The following ABTB2 variants were observed in gnomAD, a reference collection of about 807,000 sequenced individuals.
ABTB2 encodes the protein ankyrin repeat and BTB domain containing 2.
A neutral mutation model predicts 104.1 loss-of-function variants in ABTB2; 56 were observed. That is an observed-to-expected ratio of 0.54 (90% CI 0.43 to 0.67). ABTB2 has a LOEUF of 0.67. Among genes scored for constraint, ABTB2 ranks in the 30% least tolerant of loss-of-function variants. The pLI, the probability that ABTB2 is intolerant of heterozygous loss-of-function variation, is 0.00. For synonymous variants in ABTB2, 606 were observed against 608.2 expected, an observed-to-expected ratio of 1.00 and a Z score of 0.05; for missense variants, 1,279 against 1,407.7, an observed-to-expected ratio of 0.91 and a Z score of 1.46.
chr11:34,171,046 G>A lies in ABTB2; in HGVS notation c.1423C>T (p.Arg475Trp), dbSNP rs768924667. 9 of 1,614,042 alleles carry A rather than the reference G, an allele frequency of 5.6e-6. No homozygotes were observed. The East Asian group carries it at 8.9e-5, about 16-fold the overall frequency. ...LKPEHCFSSF[R>W]RLDARAATEK... is the part of the protein sequence containing the mutation. Reference sequence around the variant, plus strand: ...GTAGCTGCTCGGGCATCCAGCCTCCGGAAGGAACTGAAACAGTGTTCGGGT... The same window carrying A: ...GTAGCTGCTCGGGCATCCAGCCTCCAGAAGGAACTGAAACAGTGTTCGGGT... Residue 475 changes from arginine to tryptophan, a missense_variant, in exon 5 of 17, where the codon CGG (arginine) becomes TGG (tryptophan). Arg to Trp is a moderately radical substitution (Grantham distance 101). Transcript: ENST00000435224.
At chr11:34,283,586 A>G (rs1262286063) in intron 1 of ABTB2, among the ~76,000 whole-genome samples, 1 of 152,230 alleles carries the variant, frequency 6.6e-6, no homozygotes, top group Non-Finnish European at 1.5e-5. Context: ...ATTGAGAAAA[A>G]ATACCATCTC....
chr11:34,345,407 T>G (rs750469339), intron 1 of ABTB2, among the ~76,000 whole-genome samples: 21 of 152,182 alleles, frequency 1.4e-4, no homozygotes, highest in African/African-American at 2.9e-4. Flanking sequence ...TTTTATTCAT[T>G]TGTTGCATCA....
chr11:34,287,442 A>G (rs560510162), intron 1 of ABTB2, among the ~76,000 whole-genome samples: 2 of 152,258 alleles, frequency 1.3e-5, no homozygotes, highest in East Asian at 1.9e-4. Flanking sequence ...CCAGCTACTC[A>G]GGACTCTGAG....
At chr11:34,278,916 A>T (rs1590239394) in intron 1 of ABTB2, among the ~76,000 whole-genome samples, 1 of 152,310 alleles carries the variant, frequency 6.6e-6, no homozygotes, top group South Asian at 2.1e-4. Context: ...GTGGCCAAAG[A>T]TCCCAGCCAC....
At chr11:34,233,041 G>T (rs1853792935) in intron 1 of ABTB2, among the ~76,000 whole-genome samples, 1 of 149,758 alleles carries the variant, frequency 6.7e-6, no homozygotes, top group South Asian at 2.1e-4. Context: ...GGGAGCCACT[G>T]AAGGGAGACA....
intron 3 of ABTB2, among the ~76,000 whole-genome samples, chr11:34,186,424 T>C (rs1328851062): frequency 6.6e-6 from 1 of 152,228 alleles, no homozygotes; most frequent in Non-Finnish European, 1.5e-5. Context: ...CCTGAGGGTC[T>C]GAATGCTCTC....
chr11:34,206,532 A>G (rs570859058), intron 1 of ABTB2, among the ~76,000 whole-genome samples: 1 of 152,302 alleles, frequency 6.6e-6, no homozygotes, highest in African/African-American at 2.4e-5. Flanking sequence ...CTGGTTCCAC[A>G]ATGCATATAC....
chr11:34,197,244 CGTCA>C (rs1853269537), intron 3 of ABTB2, 77 bp downstream of exon 3: 3 of 1,478,422 alleles, frequency 2.0e-6, no homozygotes, highest in Non-Finnish European at 2.8e-6. Flanking sequence ...GTTGGTCAGT[CGTCA>C]GTCAGTGTCA....
chr11:34,318,541 C>G (rs1854967125), intron 1 of ABTB2, among the ~76,000 whole-genome samples: 1 of 152,186 alleles, frequency 6.6e-6, no homozygotes, highest in Admixed American at 6.5e-5. Context: ...AGGGACTGGT[C>G]TAAGGACACT....
intron 5 of ABTB2, among the ~76,000 whole-genome samples, chr11:34,169,888 C>T (rs1327677818): frequency 1.3e-5 from 2 of 152,216 alleles, no homozygotes; most frequent in African/African-American, 4.8e-5. Context: ...CTTCCCCTTG[C>T]AGCCCATCCC....
chr11:34,320,040 T>C (rs772443640), intron 1 of ABTB2, among the ~76,000 whole-genome samples: 11 of 152,176 alleles, frequency 7.2e-5, no homozygotes, highest in Non-Finnish European at 1.3e-4. Context: ...GTGACCACCG[T>C]GCCTGGCCAC....
chr11:34,223,695 C>T (rs1853654090), intron 1 of ABTB2, among the ~76,000 whole-genome samples: 1 of 152,168 alleles, frequency 6.6e-6, no homozygotes, highest in Admixed American at 6.5e-5. Context: ...CCGGCATCAG[C>T]CTCAGCCTCA....
At chr11:34,326,831 A>G (rs1245528385) in intron 1 of ABTB2, among the ~76,000 whole-genome samples, 1 of 152,188 alleles carries the variant, frequency 6.6e-6, no homozygotes, top group Non-Finnish European at 1.5e-5. Flanking sequence ...GCACTTTGGG[A>G]GGCTGAGGCA....
At chr11:34,192,399 A>C (rs987381767) in intron 3 of ABTB2, among the ~76,000 whole-genome samples, 3 of 152,222 alleles carry the variant, frequency 2.0e-5, no homozygotes, top group Non-Finnish European at 4.4e-5. Flanking sequence ...AAAAGTGGCA[A>C]GGTAGATCTC....
intron 1 of ABTB2, among the ~76,000 whole-genome samples, chr11:34,232,463 A>AAAAAAAAAC (rs1853783389): frequency 2.6e-5 from 4 of 151,678 alleles, no homozygotes; most frequent in Non-Finnish European, 4.4e-5. Flanking sequence ...AAAAAAAAAA[A>AAAAAAAAAC]AAATTGTTCT....
At chr11:34,259,866 A>G (rs1003095363) in intron 1 of ABTB2, among the ~76,000 whole-genome samples, 1 of 152,190 alleles carries the variant, frequency 6.6e-6, no homozygotes, top group African/African-American at 2.4e-5. Context: ...GCGTAGTGGC[A>G]TAATCACAGC....
chr11:34,318,783 G>A (rs1351311685), intron 1 of ABTB2, among the ~76,000 whole-genome samples: 1 of 152,190 alleles, frequency 6.6e-6, no homozygotes, highest in Non-Finnish European at 1.5e-5. Context: ...GACCCATAAT[G>A]TGATAAGGAT....
chr11:34,164,263 C>G lies in ABTB2; in HGVS notation c.1988+423G>C, dbSNP rs113424999. On this transcript the variant is annotated intron_variant, in intron 9 of 16. Coordinates refer to ENST00000435224, the MANE Select transcript of ABTB2 (RefSeq NM_145804.3). ...CACAAAGCAAGCTCTACCATCTGCA[C>G]CTGGGGCAGGGTGCAATTTTGCACC... 2.0e-5 allele frequency among the ~76,000 whole-genome samples: 3 copies of G among 152,226 alleles called. No individual in the cohort carries two copies. The South Asian group carries it at 6.2e-4, about 31-fold the overall frequency.
chr11:34,213,730 A>G (rs966895704), intron 1 of ABTB2, among the ~76,000 whole-genome samples: 1 of 152,184 alleles, frequency 6.6e-6, no homozygotes, highest in African/African-American at 2.4e-5. Context: ...TTTGCAAAAG[A>G]GTATAAAATA....
Sources: gnomAD v4.1 joint callset for allele counts (sites outside exome capture counted in the v4.1 genomes callset) on GRCh38, gnomAD v4.1.1 for gene constraint, MANE v1.5 for transcripts, NCBI Gene and HGNC (gene_info 2026-07-23, HGNC 2026-07-21) for gene names.